NFATC1: variants seen among roughly 807,000 people sequenced by gnomAD.
The protein encoded by NFATC1 is nuclear factor of activated T-cells, cytoplasmic 1.
A neutral mutation model predicts 76.0 loss-of-function variants in NFATC1; 22 were observed. The observed-to-expected ratio is 0.29, with a 90% CI of 0.21 to 0.41. The LOEUF is 0.41. Ranked by LOEUF, NFATC1 falls within the 10% of genes least tolerant of loss-of-function variation. The pLI is 1.00. For missense variants in NFATC1, 1,357 were observed against 1,337.7 expected, an observed-to-expected ratio of 1.01 and a Z score of -0.23; for synonymous variants, 704 against 613.1, an observed-to-expected ratio of 1.15 and a Z score of -2.19.
intron 9 of NFATC1, among the ~76,000 whole-genome samples, chr18:79,518,898 C>T (rs1202223608): frequency 2.6e-5 from 4 of 152,206 alleles, no homozygotes; most frequent in South Asian, 2.1e-4. Flanking sequence ...ACTTGGGCTC[C>T]GATCCAGGAG....
chr18:79,490,766 G>A (rs890108642), intron 9 of NFATC1, among the ~76,000 whole-genome samples: 6 of 152,142 alleles, frequency 3.9e-5, no homozygotes, highest in Admixed American at 6.5e-5. Context: ...CAACATGGCC[G>A]GGAAGGGTCC....
chr18:79,493,407 C>T (rs1182476555), intron 9 of NFATC1: 3 of 152,260 alleles, frequency 2.0e-5, no homozygotes, highest in Admixed American at 1.3e-4. Flanking sequence ...GGACAGCGGC[C>T]GTCCCTCGGC....
chr18:79,474,844 T>C (rs1002905419), intron 8 of NFATC1, among the ~76,000 whole-genome samples: 3 of 144,148 alleles, frequency 2.1e-5, no homozygotes, highest in Non-Finnish European at 4.5e-5. Context: ...ACGCTCGCTG[T>C]CAACGTAAAC....
At chr18:79,483,191 CGTG>C (rs2089360598) in intron 8 of NFATC1, among the ~76,000 whole-genome samples, 3 of 108,998 alleles carry the variant, frequency 2.8e-5, no homozygotes. Context: ...GTAATTCCAG[CGTG>C]ACCTGGTTCC....
chr18:79,500,929 C>G (rs547329615), intron 9 of NFATC1, among the ~76,000 whole-genome samples: 3 of 152,140 alleles, frequency 2.0e-5, no homozygotes, highest in African/African-American at 7.2e-5. Flanking sequence ...AAGAATAATA[C>G]CAGTGCCAAT....
At chr18:79,471,654 C>T (rs958248703) in intron 8 of NFATC1, among the ~76,000 whole-genome samples, 4 of 152,182 alleles carry the variant, frequency 2.6e-5, no homozygotes, top group Admixed American at 6.5e-5. Flanking sequence ...GGGTCCCTTT[C>T]GTGGCCAGAG....
chr18:79,495,381 T>C (rs1426445377), intron 9 of NFATC1, among the ~76,000 whole-genome samples: 3 of 152,246 alleles, frequency 2.0e-5, no homozygotes, highest in East Asian at 1.9e-4. Context: ...AGTTGAAATA[T>C]CAGTCTACAG....
chr18:79,419,840 A>G (rs1366351528), intron 2 of NFATC1, among the ~76,000 whole-genome samples: 1 of 152,260 alleles, frequency 6.6e-6, no homozygotes, highest in African/African-American at 2.4e-5. Context: ...CTCGGGATTA[A>G]ACCTGAGTCG....
intron 9 of NFATC1, among the ~76,000 whole-genome samples, chr18:79,504,234 C>G (rs184839004): frequency 6.7e-6 from 1 of 150,296 alleles, no homozygotes; most frequent in Non-Finnish European, 1.5e-5. Context: ...CGGCTTTCGA[C>G]GGGTGTTCCT....
At chr18:79,499,389 A>T (rs1569034764) in intron 9 of NFATC1, among the ~76,000 whole-genome samples, 1 of 152,278 alleles carries the variant, frequency 6.6e-6, no homozygotes, top group South Asian at 2.1e-4. Context: ...ATGCACTTAA[A>T]TGATACACTA....
chr18:79,481,867 G>A (rs533941435), intron 8 of NFATC1, among the ~76,000 whole-genome samples: 4 of 147,150 alleles, frequency 2.7e-5, no homozygotes, highest in East Asian at 2.0e-4. Flanking sequence ...ATTCCAGCGC[G>A]ACCTTGTTCC....
intron 6 of NFATC1, among the ~76,000 whole-genome samples, chr18:79,456,213 C>A (rs530330214): frequency 1.3e-5 from 2 of 152,348 alleles, no homozygotes; most frequent in African/African-American, 4.8e-5. Context: ...ACGGAACCAC[C>A]GTGGCCTTGG....
At chr18:79,427,166 T>C (rs981504223) in intron 2 of NFATC1, among the ~76,000 whole-genome samples, 4 of 152,234 alleles carry the variant, frequency 2.6e-5, no homozygotes, top group Admixed American at 1.3e-4. Context: ...ACGTGTCCGA[T>C]GTCTCTGTGC....
intron 8 of NFATC1, among the ~76,000 whole-genome samples, chr18:79,471,700 G>T (rs2088793847): frequency 1.3e-5 from 2 of 152,194 alleles, no homozygotes; most frequent in South Asian, 4.1e-4. Flanking sequence ...CCAGCTGAGG[G>T]TCATCCCGTG....
intron 9 of NFATC1, among the ~76,000 whole-genome samples, chr18:79,508,017 G>A (rs1231510796): frequency 2.6e-5 from 4 of 152,254 alleles, no homozygotes; most frequent in South Asian, 2.1e-4. Context: ...GTAAACTACC[G>A]TATATCACTC....
chr18:79,404,121 C>G (rs1271134232), intron 1 of NFATC1, among the ~76,000 whole-genome samples: 1 of 152,152 alleles, frequency 6.6e-6, no homozygotes, highest in Non-Finnish European at 1.5e-5. Flanking sequence ...TCCTTGAAAA[C>G]AGAATTCAAA....
intron 1 of NFATC1, among the ~76,000 whole-genome samples, chr18:79,399,599 C>T (rs115785143): frequency 0.021 from 3,274 of 152,374 alleles, 34 homozygotes; most frequent in African/African-American, 0.036. Context: ...GCTCGGGCCG[C>T]CTAGGGTGGG....
intron 9 of NFATC1, among the ~76,000 whole-genome samples, chr18:79,518,946 C>A (rs55675563): frequency 0.11 from 16,346 of 152,296 alleles, 1,021 homozygotes; most frequent in Admixed American, 0.16. Context: ...AAGAGTCCGC[C>A]CATTCACAGA....
Position 79,449,823 on chromosome 18 carries a change from C to G in NFATC1, c.1589+839C>G, listed in dbSNP as rs183117913. On this transcript the variant is annotated intron_variant, in intron 4 of 9. Coordinates refer to ENST00000427363, the MANE Select transcript of NFATC1 (RefSeq NM_001278669.2). Reference sequence around the variant, plus strand: ...TGCAGGAGTGGGGAGGAGTCCCGCACGGTGAGGGAGAGCGTGTAGGAGATG... The same window carrying G: ...TGCAGGAGTGGGGAGGAGTCCCGCAGGGTGAGGGAGAGCGTGTAGGAGATG... Among the ~76,000 whole-genome samples the G allele has an allele frequency of 4.0e-3, 602 of 152,154 alleles. 1 individual carries two copies. Among genetic ancestry groups the G allele is most frequent in the African/African-American group, 0.014 (568 of 41,490 alleles).
Sources: gnomAD v4.1 joint callset for allele counts (sites outside exome capture counted in the v4.1 genomes callset) on GRCh38, gnomAD v4.1.1 for gene constraint, MANE v1.5 for transcripts, NCBI Gene and HGNC (gene_info 2026-07-23, HGNC 2026-07-21) for gene names.